PARD3B: variants seen among roughly 807,000 people sequenced by gnomAD.
PARD3B encodes the protein partitioning defective 3 homolog B.
A neutral mutation model predicts 130.2 loss-of-function variants in PARD3B; 103 were observed. The ratio of observed to expected loss-of-function variants is 0.79; its 90% CI spans 0.67 to 0.93. PARD3B has a LOEUF of 0.93. PARD3B is among the 40% of genes least tolerant of loss of function. The pLI is 0.00. For synonymous variants in PARD3B, 583 were observed against 553.2 expected (o/e 1.05, Z -0.76); for missense variants, 1,609 against 1,499.2 (o/e 1.07, Z -1.21).
chr2:205,223,007 TCTTGG>T (rs1337209258), intron 15 of PARD3B, among the ~76,000 whole-genome samples: 1 of 152,164 alleles, frequency 6.6e-6, no homozygotes, highest in Admixed American at 6.5e-5. Flanking sequence ...TGGTACGTAT[TCTTGG>T]AGGAAATGCT....
At chr2:204,837,779 G>A (rs573861129) in intron 2 of PARD3B, among the ~76,000 whole-genome samples, 4 of 152,270 alleles carry the variant, frequency 2.6e-5, no homozygotes, top group African/African-American at 9.6e-5. Flanking sequence ...CCGCCTCTCT[G>A]TAATTTCCAG....
chr2:204,553,650 CCATATATATATATATATATA>C (rs2030665011), intron 1 of PARD3B, among the ~76,000 whole-genome samples: 1 of 26,626 alleles, frequency 3.8e-5, no homozygotes, highest in Non-Finnish European at 6.7e-5. Context: ...TTATATATAT[CCATATATATATATATATATA>C]TATATATATA....
In PARD3B at chr2:204,669,419, A is replaced by G. The variant is rs1264035290; in HGVS notation, c.121-16762A>G. 1.3e-5 allele frequency among the ~76,000 whole-genome samples: 2 copies of G among 152,184 alleles called. No individual in the cohort carries two copies. Among genetic ancestry groups the G allele is most frequent in the Non-Finnish European group, 2.9e-5 (2 of 68,030 alleles). On this transcript the variant is annotated intron_variant, in intron 1 of 22. Coordinates refer to ENST00000406610, the MANE Select transcript of PARD3B (RefSeq NM_001302769.2). The surrounding 1 kb of genome is among the most constrained non-coding windows in gnomAD (Gnocchi z 4.3). Reference sequence around the variant, plus strand: ...ATCAATATATAATTATTATCTAAGTACATTTTGGCATAACTCACTATATAT... The same window carrying G: ...ATCAATATATAATTATTATCTAAGTGCATTTTGGCATAACTCACTATATAT...
At chr2:205,046,084 T>C (rs1315038573) in intron 3 of PARD3B, among the ~76,000 whole-genome samples, 1 of 152,196 alleles carries the variant, frequency 6.6e-6, no homozygotes. Context: ...TTTGAGGATA[T>C]TGCATTTAGA....
rs140400230 is a variant in PARD3B at position 205,010,071 on chromosome 2, A to G, written c.395-37510A>G. Among the ~76,000 whole-genome samples the G allele has an allele frequency of 1.4e-3, 219 of 152,280 alleles. 4 individuals carry two copies. The East Asian group carries it at 0.022, about 15-fold the overall frequency. ...TTGACTTTAGTGAACCAATATAGTA[A>G]TATTTTTCCAAGCAGGCAATTTTAA... On this transcript the variant is annotated intron_variant, in intron 3 of 22. Coordinates refer to ENST00000406610, the MANE Select transcript of PARD3B (RefSeq NM_001302769.2).
At chr2:205,491,582 G>A (rs1021193273) in intron 20 of PARD3B, among the ~76,000 whole-genome samples, 3 of 152,098 alleles carry the variant, frequency 2.0e-5, no homozygotes, top group Non-Finnish European at 4.4e-5. Context: ...GATTGACTTG[G>A]CAATGCGGGC....
chr2:204,943,000 C>T (rs1024800904), intron 2 of PARD3B, among the ~76,000 whole-genome samples: 4 of 151,690 alleles, frequency 2.6e-5, no homozygotes, highest in African/African-American at 9.7e-5. Context: ...CCTCCAGAAC[C>T]AGGCTGCACA....
At chr2:204,979,866 A>G (rs1692519013) in intron 3 of PARD3B, among the ~76,000 whole-genome samples, 1 of 152,242 alleles carries the variant, frequency 6.6e-6, no homozygotes, top group Admixed American at 6.5e-5. Flanking sequence ...AAGGTAAATT[A>G]ATAACAAAAC....
intron 19 of PARD3B, among the ~76,000 whole-genome samples, chr2:205,408,306 G>C (rs2046479395): frequency 6.6e-6 from 1 of 152,146 alleles, no homozygotes; most frequent in South Asian, 2.1e-4. Context: ...GCATCTTAGA[G>C]ATATAAAAAC....
chr2:204,788,141 C>G (rs1024769735), intron 2 of PARD3B, among the ~76,000 whole-genome samples: 9 of 152,172 alleles, frequency 5.9e-5, no homozygotes, highest in Non-Finnish European at 1.2e-4. Context: ...TTGTATTTTA[C>G]TGGATGTACT....
In PARD3B at chr2:205,169,930, C is replaced by CT. The variant is rs200935015; in HGVS notation, c.1621-2281_1621-2280insT. 1.1e-3 allele frequency among the ~76,000 whole-genome samples: 137 copies of CT among 126,666 alleles called. 3 individuals are homozygous for CT. Among genetic ancestry groups the CT allele is most frequent in the Admixed American group, 1.9e-3 (24 of 12,572 alleles). 83.1% of individuals were successfully genotyped at this position (126,666 alleles called of 152,430 possible). A position where few individuals can be genotyped will look rare whatever the true frequency, so the allele number is the denominator to read the frequency against. ...AGGGTGTTTTTGTTGTTCCCCCCAC[C>CT]CTTTTTTTTTTTTTTTGGAGATGGA... On this transcript the variant is annotated intron_variant, in intron 11 of 22. Transcript: ENST00000406610.
intron 19 of PARD3B, among the ~76,000 whole-genome samples, chr2:205,423,226 T>C (rs1342585428): frequency 1.3e-5 from 2 of 152,198 alleles, no homozygotes; most frequent in South Asian, 2.1e-4. Flanking sequence ...CAGCCAGTGC[T>C]GTGTCCTCAG....
At chr2:204,573,339 T>C (rs1388806957) in intron 1 of PARD3B, among the ~76,000 whole-genome samples, 1 of 152,168 alleles carries the variant, frequency 6.6e-6, no homozygotes, top group Non-Finnish European at 1.5e-5. Flanking sequence ...ATATGTAAAA[T>C]TCATGGAGCA....
At chr2:205,326,848 A>T (rs2105755764) in intron 18 of PARD3B, among the ~76,000 whole-genome samples, 1 of 152,256 alleles carries the variant, frequency 6.6e-6, no homozygotes, top group East Asian at 1.9e-4. Context: ...AGTAGTAAAT[A>T]CTTATCATGT....
rs991568443 is a variant in PARD3B at position 205,516,749 on chromosome 2, CCTTT to C, written c.3180+16731_3180+16734del. Among the ~76,000 whole-genome samples, 10 of 151,934 alleles carry C rather than the reference CCTTT, an allele frequency of 6.6e-5. No individual in the cohort carries two copies. The East Asian group carries it at 1.5e-3, about 24-fold the overall frequency. ...TTTGACTTCCTCTCTATTTGGATGC[CCTTT>C]CTTTCTTTCTTTTGCTTGATTGCTC... On this transcript the variant is annotated intron_variant, in intron 21 of 22. Coordinates refer to ENST00000406610, the MANE Select transcript of PARD3B (RefSeq NM_001302769.2).
At chr2:205,436,896 C>A (rs2047536086) in intron 19 of PARD3B, among the ~76,000 whole-genome samples, 1 of 152,004 alleles carries the variant, frequency 6.6e-6, no homozygotes, top group Non-Finnish European at 1.5e-5. Context: ...CACTACTTCA[C>A]CTCCATGAAG....
chr2:204,650,041 A>G (rs192432047), intron 1 of PARD3B, among the ~76,000 whole-genome samples: 7 of 152,268 alleles, frequency 4.6e-5, no homozygotes, highest in African/African-American at 1.7e-4. Flanking sequence ...TATCCAGTAT[A>G]TATAAGGAAC....
chr2:205,061,375 G>C (rs972451762), intron 4 of PARD3B, among the ~76,000 whole-genome samples: 13 of 152,100 alleles, frequency 8.5e-5, no homozygotes, highest in Non-Finnish European at 1.5e-4. Context: ...CTTGACCACT[G>C]ACTGATTTGC....
intron 12 of PARD3B, among the ~76,000 whole-genome samples, chr2:205,173,906 A>G (rs2035315490): frequency 6.6e-6 from 1 of 152,174 alleles, no homozygotes; most frequent in South Asian, 2.1e-4. Context: ...GAAAGGATGG[A>G]CTGCGAACGC....
Sources: allele counts gnomAD v4.1 joint callset (sites outside exome capture counted in the v4.1 genomes callset), GRCh38; gene constraint gnomAD v4.1.1; non-coding constraint Gnocchi (gnomAD v3.1); transcripts MANE v1.5; gene names NCBI Gene and HGNC (gene_info 2026-07-23, HGNC 2026-07-21).